Variants in CHD6 observed in about 807,000 individuals in gnomAD.
CHD6 encodes the protein chromodomain helicase DNA binding protein 6, also known as ATP-dependent chromatin remodeler CHD6.
In CHD6, 50 loss-of-function variants were observed where a neutral mutation model predicts 276.9. The ratio of observed to expected loss-of-function variants is 0.18; its 90% confidence interval spans 0.14 to 0.23. CHD6 has a LOEUF of 0.23. CHD6 is among the 10% of genes least tolerant of loss of function. The pLI is 1.00. For missense variants in CHD6, 2,564 were observed against 3,365.8 expected, an observed-to-expected ratio of 0.76 and a Z score of 5.89; for synonymous variants, 1,173 against 1,229.3, an observed-to-expected ratio of 0.95 and a Z score of 0.96.
intron 35 of CHD6, among the ~76,000 whole-genome samples, chr20:41,412,516 C>T (rs547293951): frequency 1.4e-4 from 22 of 152,302 alleles, no homozygotes; most frequent in African/African-American, 5.1e-4. Flanking sequence ...ACACCTGAGC[C>T]GATTCACCAG....
chr20:41,424,484 C>G (rs1282166363), intron 29 of CHD6, among the ~76,000 whole-genome samples: 1 of 152,154 alleles, frequency 6.6e-6, no homozygotes, highest in Non-Finnish European at 1.5e-5. Context: ...TGGTTCTTCT[C>G]TTTAGAGATG....
intron 3 of CHD6, among the ~76,000 whole-genome samples, chr20:41,532,258 G>C (rs534567640): frequency 4.7e-4 from 72 of 152,264 alleles, no homozygotes; most frequent in African/African-American, 1.7e-3. Flanking sequence ...CATTTCCTAA[G>C]CACTTGTCAA....
chr20:41,529,069 C>A (rs2044615584), intron 3 of CHD6, among the ~76,000 whole-genome samples: 2 of 152,198 alleles, frequency 1.3e-5, no homozygotes, highest in African/African-American at 2.4e-5. Context: ...AGAGAAAAGT[C>A]GGTTTTACAG....
At chr20:41,478,213 C>G (rs1202087370) in intron 16 of CHD6, among the ~76,000 whole-genome samples, 1 of 152,130 alleles carries the variant, frequency 6.6e-6, no homozygotes, top group African/African-American at 2.4e-5. Context: ...TTCTGGTTGG[C>G]TCCACAGTGC....
chr20:41,597,927 A>T (rs1193879372), intron 1 of CHD6, among the ~76,000 whole-genome samples: 1 of 152,112 alleles, frequency 6.6e-6, no homozygotes, highest in Non-Finnish European at 1.5e-5. Context: ...GAGTTCCCTT[A>T]GACTTGGGAT....
In CHD6 at chr20:41,558,417, A is replaced by G. The variant is rs73123256; in HGVS notation, c.-23-7057T>C. 1.0e-2 allele frequency among the ~76,000 whole-genome samples: 1,521 copies of G among 152,320 alleles called. 12 individuals carry two copies. Among genetic ancestry groups the G allele is most frequent in the Non-Finnish European group, 0.019 (1,266 of 68,026 alleles). ...TGGTGAAGACTAGCTATAGGCAGCT[A>G]TTTGTGCTACCTGTCCTTATGGTCA... On this transcript the variant is annotated intron_variant, in intron 1 of 36. Coordinates refer to ENST00000373233, the MANE Select transcript of CHD6 (RefSeq NM_032221.5).
At chr20:41,569,378 T>TA (rs1461781393) in intron 1 of CHD6, among the ~76,000 whole-genome samples, 14 of 152,238 alleles carry the variant, frequency 9.2e-5, no homozygotes, top group Non-Finnish European at 2.9e-5. Flanking sequence ...CTTGGTCACC[T>TA]ACTTTAAACT....
At chr20:41,568,982 C>T (rs2045387935) in intron 1 of CHD6, among the ~76,000 whole-genome samples, 1 of 152,064 alleles carries the variant, frequency 6.6e-6, no homozygotes, top group Admixed American at 6.6e-5. Context: ...GTTCTTAATC[C>T]CCTCCCACTT....
intron 1 of CHD6, among the ~76,000 whole-genome samples, chr20:41,567,399 G>C (rs145570507): frequency 6.6e-6 from 1 of 152,264 alleles, no homozygotes; most frequent in Non-Finnish European, 1.5e-5. Context: ...CAGGCTCAGG[G>C]ACAGCTGTTA....
chr20:41,503,005 A>AAAAAC (rs1429631759), intron 5 of CHD6, among the ~76,000 whole-genome samples: 3 of 152,244 alleles, frequency 2.0e-5, no homozygotes, highest in Admixed American at 6.5e-5. Flanking sequence ...ACTCCATCTC[A>AAAAAC]AAAACAAAAC....
chr20:41,494,679 T>C (rs1420294933), intron 8 of CHD6, among the ~76,000 whole-genome samples: 4 of 152,192 alleles, frequency 2.6e-5, no homozygotes, highest in Non-Finnish European at 5.9e-5. Context: ...ACCCAGAAGC[T>C]GAAGCCCTCC....
intron 1 of CHD6, among the ~76,000 whole-genome samples, chr20:41,581,218 T>C (rs114837892): frequency 7.2e-5 from 11 of 152,340 alleles, no homozygotes; most frequent in Admixed American, 1.3e-4. Flanking sequence ...GGTACTATTA[T>C]TGTTCCCATT....
intron 30 of CHD6, among the ~76,000 whole-genome samples, chr20:41,422,924 C>T (rs1371332196): frequency 1.3e-5 from 2 of 152,206 alleles, no homozygotes; most frequent in East Asian, 3.8e-4. Context: ...GTTGCTTTGG[C>T]TTTCCTAAAA....
chr20:41,414,966 G>A (rs2046948440), intron 34 of CHD6: 1 of 1,392,656 alleles, frequency 7.2e-7, no homozygotes, highest in South Asian at 1.7e-5. Flanking sequence ...AAGACCTCCT[G>A]GCTCATTTCT....
chr20:41,509,167 G>T (rs749769175), intron 5 of CHD6, among the ~76,000 whole-genome samples: 1 of 152,068 alleles, frequency 6.6e-6, no homozygotes, highest in Non-Finnish European at 1.5e-5. Flanking sequence ...ACCATCACAG[G>T]CTATGAATAA....
At chr20:41,574,688 A>T (rs931977153) in intron 1 of CHD6, among the ~76,000 whole-genome samples, 10 of 152,248 alleles carry the variant, frequency 6.6e-5, no homozygotes, top group Admixed American at 1.3e-4. Context: ...CTGGAAAGAA[A>T]AACACAAAAT....
chr20:41,530,553 T>G (rs1045743640), intron 3 of CHD6, among the ~76,000 whole-genome samples: 2 of 152,208 alleles, frequency 1.3e-5, no homozygotes, highest in African/African-American at 4.8e-5. Flanking sequence ...TATGCATATA[T>G]ACATATGTGT....
intron 1 of CHD6, among the ~76,000 whole-genome samples, chr20:41,555,384 G>A (rs1213654067): frequency 7.6e-5 from 11 of 144,436 alleles, no homozygotes; most frequent in Non-Finnish European, 1.5e-4. Flanking sequence ...CCTCCCTCCC[G>A]GACGGGGCGG....
intron 17 of CHD6, among the ~76,000 whole-genome samples, chr20:41,464,310 C>G (rs1283185871): frequency 6.6e-6 from 1 of 152,110 alleles, no homozygotes; most frequent in African/African-American, 2.4e-5. Flanking sequence ...AAGAAAATAA[C>G]TAAACTAAGC....
Sources: allele counts gnomAD v4.1 joint callset (sites outside exome capture counted in the v4.1 genomes callset), GRCh38; gene constraint gnomAD v4.1.1; transcripts MANE v1.5; gene names NCBI Gene and HGNC (gene_info 2026-07-23, HGNC 2026-07-21).